Variants in KLHL24 observed in about 807,000 individuals in gnomAD.
KLHL24 encodes the protein kelch-like protein 24.
A neutral mutation model predicts 53.4 loss-of-function variants in KLHL24; 29 were observed. The observed-to-expected ratio is 0.54, with a 90% CI of 0.40 to 0.74. KLHL24 has a LOEUF of 0.74. Ranked by LOEUF, KLHL24 falls within the 30% of genes least tolerant of loss-of-function variation. The pLI, the probability that KLHL24 is intolerant of heterozygous loss-of-function variation, is 0.00. For missense variants in KLHL24, 504 were observed against 744.0 expected (o/e 0.68, Z 3.75); for synonymous variants, 222 against 253.7 (o/e 0.88, Z 1.19).
chr3:183,646,228 G>A (rs1717213700), intron 2 of KLHL24, among the ~76,000 whole-genome samples: 1 of 151,680 alleles, frequency 6.6e-6, no homozygotes. Context: ...CCGGCATGGT[G>A]GCATGTGCCT....
In KLHL24 at chr3:183,651,212, C is replaced by G. The variant is rs750854702; in HGVS notation, c.856C>G (p.His286Asp). Residue 286 changes from histidine (H) to aspartate (D), a missense_variant, in exon 3 of 8, where the codon CAT becomes GAT. His to Asp is a moderately conservative substitution (Grantham distance 81). Transcript: ENST00000242810. ...QNSPECYQLL[H>D]EARRYHILGN... Reference sequence around the variant, plus strand: ...TTCTCCTGAGTGTTATCAGTTGTTGCATGAAGCAAGACGGTACCACATACT... The same window carrying G: ...TTCTCCTGAGTGTTATCAGTTGTTGGATGAAGCAAGACGGTACCACATACT... 2 of 1,614,032 alleles carry G rather than the reference C, an allele frequency of 1.2e-6. No individual in the cohort carries two copies. The highest frequency in any genetic ancestry group is 8.5e-7 in the Non-Finnish European group (1 of 1,180,008).
At chr3:183,667,778 A>G (rs1720781153) in intron 5 of KLHL24, among the ~76,000 whole-genome samples, 1 of 152,076 alleles carries the variant, frequency 6.6e-6, no homozygotes, top group Non-Finnish European at 1.5e-5. Context: ...GTGCAGCAGC[A>G]CAGTCATGGC....
chr3:183,655,936 A>T (rs911980331), intron 3 of KLHL24, among the ~76,000 whole-genome samples: 3 of 151,656 alleles, frequency 2.0e-5, no homozygotes, highest in Non-Finnish European at 2.9e-5. Flanking sequence ...TTAAAAAAAA[A>T]TTATTATTAA....
chr3:183,639,629 CAAAAAA>C (rs767908911), intron 1 of KLHL24, among the ~76,000 whole-genome samples: 9 of 39,468 alleles, frequency 2.3e-4, no homozygotes, highest in Admixed American at 2.5e-4. Context: ...GACTCTGTCT[CAAAAAA>C]AAAAAAAAAA....
chr3:183,678,689 G>GT (rs1032604590), intron 7 of KLHL24, among the ~76,000 whole-genome samples: 9 of 152,134 alleles, frequency 5.9e-5, no homozygotes, highest in Admixed American at 5.9e-4. Context: ...CCTTCTGAAA[G>GT]GCCCGTGTGT....
intron 1 of KLHL24, among the ~76,000 whole-genome samples, chr3:183,642,656 A>G (rs957604756): frequency 6.8e-5 from 10 of 147,786 alleles, no homozygotes; most frequent in Admixed American, 2.0e-4. Flanking sequence ...GTTGGTTTCT[A>G]TGGGGATATG....
At chr3:183,654,168 T>C (rs925520108) in intron 3 of KLHL24, among the ~76,000 whole-genome samples, 2 of 152,214 alleles carry the variant, frequency 1.3e-5, no homozygotes, top group African/African-American at 2.4e-5. Context: ...GAATTTGATA[T>C]TATTAATTGC....
chr3:183,683,777 T>C lies in KLHL24; in HGVS notation c.*4491T>C, dbSNP rs887042915. 6.6e-6 allele frequency: 1 copy of C among 152,626 alleles called. No individual in the cohort carries two copies. The highest frequency in any genetic ancestry group is 1.5e-5 in the Non-Finnish European group (1 of 68,030). The allele number at this position is 152,626 out of a possible 1,614,324, so 9.5% of individuals were successfully genotyped here. A position where few individuals can be genotyped will look rare whatever the true frequency, so the allele number is the denominator to read the frequency against. ...CTGAATTTGTTTATGTGCCTTAAGT[T>C]CTCTAGTGCTATTTCAACTTTTTTT... is the stretch of plus-strand genomic sequence containing the variant. On this transcript the variant is annotated 3_prime_UTR_variant, in exon 8 of 8. Transcript: ENST00000242810.
chr3:183,651,598 A>G (rs1718123629), intron 3 of KLHL24, among the ~76,000 whole-genome samples: 1 of 152,210 alleles, frequency 6.6e-6, no homozygotes, highest in Non-Finnish European at 1.5e-5. Flanking sequence ...CTTTCCAAAG[A>G]GTCTTTGGAT....
intron 3 of KLHL24, among the ~76,000 whole-genome samples, chr3:183,653,849 C>T (rs936821225): frequency 3.9e-5 from 6 of 152,064 alleles, no homozygotes; most frequent in South Asian, 4.1e-4. Flanking sequence ...AGTTGGTGGC[C>T]GCCTAAATAA....
At chr3:183,656,895 C>G (rs1475508302) in intron 3 of KLHL24, among the ~76,000 whole-genome samples, 1 of 146,304 alleles carries the variant, frequency 6.8e-6, no homozygotes, top group Non-Finnish European at 1.5e-5. Flanking sequence ...ACCCCGTTCT[C>G]CAGAAAAAGG....
intron 1 of KLHL24, chr3:183,636,500 G>C (rs973797124): frequency 1.3e-5 from 2 of 152,158 alleles, no homozygotes; most frequent in African/African-American, 4.8e-5. Flanking sequence ...GCGTTCCGCC[G>C]GCGCAGTCCC....
rs148250970 is a variant in KLHL24, at chr3:183,650,376, G to A, written c.20G>A (p.Arg7His). 35 of 1,612,926 alleles carry A rather than the reference G, an allele frequency of 2.2e-5. No individual in the cohort carries two copies. The highest frequency in any genetic ancestry group is 5.3e-5 in the African/African-American group (4 of 74,840). Residue 7 changes from arginine (R) to histidine (H), a missense_variant, in exon 3 of 8, where the codon CGC (arginine) becomes CAC (histidine). Physicochemically the swap from Arg to His is conservative, Grantham distance 29. Coordinates refer to ENST00000242810, the MANE Select transcript of KLHL24 (RefSeq NM_017644.3). The surrounding 1 kb of genome is among the most constrained non-coding windows in gnomAD (Gnocchi z 4.5). ...GTAACAATGGTACTAATATTGGGAC[G>A]CAGACTAAACAGAGAGGATCTTGGG... is the stretch of plus-strand genomic sequence containing the variant. MVLILGRRLNREDLGVR... is the reference protein window; with the variant it reads MVLILGHRLNREDLGVR...
chr3:183,665,071 G>C (rs772468899), intron 5 of KLHL24, 32 bp downstream of exon 5: 2 of 1,114,342 alleles, frequency 1.8e-6, no homozygotes, highest in Non-Finnish European at 2.7e-6. Flanking sequence ...TACTATTGCT[G>C]GTACCTTTCC....
chr3:183,647,930 C>T (rs1369085233), intron 2 of KLHL24, among the ~76,000 whole-genome samples: 4 of 151,922 alleles, frequency 2.6e-5, no homozygotes, highest in African/African-American at 9.7e-5. Flanking sequence ...CGCTTGAACC[C>T]GGGAGGCAGA....
chr3:183,673,316 C>G (rs1285966360), intron 7 of KLHL24, among the ~76,000 whole-genome samples: 1 of 152,092 alleles, frequency 6.6e-6, no homozygotes, highest in Non-Finnish European at 1.5e-5. Flanking sequence ...GAACTCCTTC[C>G]AAGGGGTCAT....
chr3:183,664,089 T>A (rs1460820133), intron 4 of KLHL24: 1 of 151,856 alleles, frequency 6.6e-6, no homozygotes, highest in South Asian at 2.1e-4. Context: ...AGACTCCGCC[T>A]CAAAAACAAA....
chr3:183,678,350 C>T (rs1194291116), intron 7 of KLHL24, among the ~76,000 whole-genome samples: 1 of 152,118 alleles, frequency 6.6e-6, no homozygotes, highest in Non-Finnish European at 1.5e-5. Flanking sequence ...ATTGTTCCTA[C>T]TCCTTGGTCA....
At chr3:183,658,692 A>G (rs954211240) in intron 3 of KLHL24, among the ~76,000 whole-genome samples, 1 of 152,212 alleles carries the variant, frequency 6.6e-6, no homozygotes, top group Admixed American at 6.5e-5. Flanking sequence ...GAAAGTGCCT[A>G]CTTCTGCACT....
Sources: gnomAD v4.1 joint callset for allele counts (sites outside exome capture counted in the v4.1 genomes callset) on GRCh38, gnomAD v4.1.1 for gene constraint, Gnocchi (gnomAD v3.1) non-coding constraint, MANE v1.5 for transcripts, NCBI Gene and HGNC (gene_info 2026-07-23, HGNC 2026-07-21) for gene names.